Variants in MAPKAP1 observed in about 807,000 individuals in gnomAD.
MAPKAP1 encodes MAPK associated protein 1, also known as target of rapamycin complex 2 subunit MAPKAP1.
A neutral mutation model predicts 65.7 loss-of-function variants in MAPKAP1; 20 were observed. The ratio of observed to expected loss-of-function variants is 0.30; its 90% confidence interval spans 0.21 to 0.44. The LOEUF is 0.44. Ranked by LOEUF, MAPKAP1 falls within the 20% of genes least tolerant of loss-of-function variation. The pLI, the probability that MAPKAP1 is intolerant of heterozygous loss-of-function variation, is 1.00. For missense variants in MAPKAP1, 423 were observed against 648.0 expected (o/e 0.65, Z 3.77); for synonymous variants, 222 against 244.3 (o/e 0.91, Z 0.85).
chr9:125,706,491 C>T (rs764209063), intron 1 of MAPKAP1, among the ~76,000 whole-genome samples: 13 of 151,988 alleles, frequency 8.6e-5, no homozygotes, highest in Non-Finnish European at 1.8e-4. Context: ...TTAAACAAAT[C>T]TAAATGACTC....
At chr9:125,579,367 C>T (rs1320626721) in intron 5 of MAPKAP1, among the ~76,000 whole-genome samples, 2 of 152,352 alleles carry the variant, frequency 1.3e-5, no homozygotes, top group East Asian at 3.9e-4. Context: ...TCTCAGCTCA[C>T]TGCAACCTCC....
intron 5 of MAPKAP1, among the ~76,000 whole-genome samples, chr9:125,578,103 C>G (rs1014269956): frequency 6.6e-5 from 10 of 152,084 alleles, no homozygotes; most frequent in African/African-American, 2.4e-4. Flanking sequence ...ATTCTTCTGC[C>G]TTGGGATCCT....
chr9:125,629,894 G>C (rs1833228331), intron 4 of MAPKAP1, among the ~76,000 whole-genome samples: 1 of 152,170 alleles, frequency 6.6e-6, no homozygotes, highest in Non-Finnish European at 1.5e-5. Flanking sequence ...GATGTCCTTG[G>C]AGTATAATAA....
intron 1 of MAPKAP1, among the ~76,000 whole-genome samples, chr9:125,693,874 T>TACACACACACACACACAC (rs1564620656): frequency 7.1e-5 from 9 of 126,984 alleles, no homozygotes; most frequent in African/African-American, 3.4e-4. Flanking sequence ...CACACACACA[T>TACACACACACACACACAC]ATATATATAG....
At chr9:125,698,288 AATATATATATAT>A (rs57303829) in intron 1 of MAPKAP1, among the ~76,000 whole-genome samples, 2,383 of 48,616 alleles carry the variant, frequency 0.049, 46 homozygotes, top group Non-Finnish European at 0.054. Flanking sequence ...AATATATATA[AATATATATATAT>A]ATATATATAT....
chr9:125,640,702 A>G (rs1482775929), intron 4 of MAPKAP1, among the ~76,000 whole-genome samples: 3 of 152,230 alleles, frequency 2.0e-5, no homozygotes, highest in Admixed American at 6.5e-5. Context: ...CAGAAAGGTA[A>G]GATGATGCAG....
intron 4 of MAPKAP1, among the ~76,000 whole-genome samples, chr9:125,602,293 A>C (rs1832321243): frequency 6.6e-6 from 1 of 152,194 alleles, no homozygotes; most frequent in Middle Eastern, 3.2e-3. Flanking sequence ...CAAATGAAAG[A>C]AGAGATAAAT....
intron 10 of MAPKAP1, among the ~76,000 whole-genome samples, chr9:125,465,934 A>G (rs1853653350): frequency 6.6e-6 from 1 of 152,196 alleles, no homozygotes; most frequent in Non-Finnish European, 1.5e-5. Context: ...GGCAGTGGGA[A>G]CAGCACAGAA....
At chr9:125,466,267 C>T (rs1853670738) in intron 10 of MAPKAP1, among the ~76,000 whole-genome samples, 1 of 152,100 alleles carries the variant, frequency 6.6e-6, no homozygotes, top group South Asian at 2.1e-4. Flanking sequence ...CCCAACCTTC[C>T]CCCACCACCC....
chr9:125,599,983 G>A (rs1450650593), intron 4 of MAPKAP1: 1 of 152,166 alleles, frequency 6.6e-6, no homozygotes, highest in Non-Finnish European at 1.5e-5. Flanking sequence ...GGAGGTTGCT[G>A]CTCTCAGAAA....
At chr9:125,556,680 T>C (rs1449823089) in intron 6 of MAPKAP1, among the ~76,000 whole-genome samples, 2 of 152,154 alleles carry the variant, frequency 1.3e-5, no homozygotes, top group East Asian at 1.9e-4. Flanking sequence ...AGGGGGGAAA[T>C]GACGAGGAGG....
chr9:125,599,023 A>T (rs781751462), intron 4 of MAPKAP1, among the ~76,000 whole-genome samples: 11 of 146,306 alleles, frequency 7.5e-5, no homozygotes, highest in Non-Finnish European at 1.3e-4. Flanking sequence ...CAAGAATGAA[A>T]CTCCGTCTCA....
chr9:125,476,105 G>A (rs1433149741), intron 9 of MAPKAP1, among the ~76,000 whole-genome samples: 1 of 152,162 alleles, frequency 6.6e-6, no homozygotes, highest in Non-Finnish European at 1.5e-5. Context: ...TGGGAGCAGG[G>A]AGCCAGAGGA....
chr9:125,455,908 T>C (rs1463914782), intron 10 of MAPKAP1, among the ~76,000 whole-genome samples: 4 of 152,268 alleles, frequency 2.6e-5, no homozygotes, highest in African/African-American at 9.6e-5. Context: ...CCTCCAGCCT[T>C]TCACTTCTCA....
chr9:125,610,973 A>T (rs1252336907), intron 4 of MAPKAP1, among the ~76,000 whole-genome samples: 1 of 152,264 alleles, frequency 6.6e-6, no homozygotes. Flanking sequence ...GTATGATCAG[A>T]AGCAAAATAT....
In MAPKAP1 at chr9:125,577,918, C is replaced by T. The variant is rs904449838; in HGVS notation, c.671+7637G>A. ...GAGCCCCTCTGCCCGGCCACCACCC[C>T]GTCTGGGAGGTGTACCCAACAGCTC... On this transcript the variant is annotated intron_variant, in intron 5 of 11. Transcript: ENST00000265960. Among the ~76,000 whole-genome samples the T allele has an allele frequency of 5.0e-3, 756 of 151,792 alleles. 5 individuals carry two copies. The highest frequency in any genetic ancestry group is 0.017 in the African/African-American group (706 of 41,414).
At chr9:125,485,681 T>A (rs1854479396) in intron 8 of MAPKAP1, among the ~76,000 whole-genome samples, 1 of 151,970 alleles carries the variant, frequency 6.6e-6, no homozygotes, top group Non-Finnish European at 1.5e-5. Context: ...CCTCCACCCC[T>A]CCCTAGGCTA....
Position 125,595,485 on chromosome 9 carries a change from T to C in MAPKAP1, c.499-9758A>G, listed in dbSNP as rs1832097855. 9.5e-7 allele frequency: 1 copy of C among 1,050,238 alleles called. No individual in the cohort carries two copies. Among genetic ancestry groups the C allele is most frequent in the African/African-American group, 1.7e-5 (1 of 59,868 alleles). The allele number at this position is 1,050,238 out of a possible 1,614,324, so 65.1% of individuals were successfully genotyped here. A position where few individuals can be genotyped will look rare whatever the true frequency, so the allele number is the denominator to read the frequency against. ...AATAATATACATTAGCTGCTTATCA[T>C]AAAATTAATTTCAAAATCATATACC... On this transcript the variant is annotated intron_variant, in intron 4 of 11. Coordinates refer to ENST00000265960, the MANE Select transcript of MAPKAP1 (RefSeq NM_001006617.3). This position sits in a 1 kb window ranked among gnomAD's most constrained non-coding sequence, Gnocchi z 4.0.
chr9:125,471,578 T>C (rs944627564), intron 9 of MAPKAP1: 1 of 152,348 alleles, frequency 6.6e-6, no homozygotes, highest in African/African-American at 2.4e-5. Context: ...CTAGTGGGGT[T>C]GCAAGTGCGG....
Sources: gnomAD v4.1 joint callset for allele counts (sites outside exome capture counted in the v4.1 genomes callset) on GRCh38, gnomAD v4.1.1 for gene constraint, Gnocchi (gnomAD v3.1) non-coding constraint, MANE v1.5 for transcripts, NCBI Gene and HGNC (gene_info 2026-07-23, HGNC 2026-07-21) for gene names.